The following ANKFN1 variants were observed in gnomAD, a reference collection of about 807,000 sequenced individuals.
ANKFN1 encodes ankyrin repeat and fibronectin type-III domain-containing protein 1.
ANKFN1 carries 74 observed loss-of-function variants against 108.7 expected under a neutral mutation model. The observed-to-expected ratio is 0.68, with a 90% CI of 0.56 to 0.83. ANKFN1 has a LOEUF of 0.83. Among genes scored for constraint, ANKFN1 ranks in the 40% least tolerant of loss-of-function variants. The probability of loss-of-function intolerance (pLI) is 0.00; values close to 1 mark genes in which losing one functional copy is unlikely to be tolerated. For missense variants in ANKFN1, 1,505 were observed against 1,382.3 expected, an observed-to-expected ratio of 1.09 and a Z score of -1.41; for synonymous variants, 547 against 516.2, an observed-to-expected ratio of 1.06 and a Z score of -0.81.
At chr17:56,458,118 C>A in intron 14 of ANKFN1, 139 bp downstream of exon 14, 1 of 695,688 alleles carries the variant, frequency 1.4e-6, no homozygotes, top group Non-Finnish European at 2.4e-6. Context: ...TTTTCTTGAG[C>A]AGCTGGAGCT....
rs140647799 is a variant in ANKFN1, at chr17:56,457,570, T to C, written c.1440+181T>C. ...CATTTTAAAAAGCACCAAAGTAACG[T>C]GTGCGCTACATTTTCAAAGCAAAGA... is the stretch of plus-strand genomic sequence containing the variant. On this transcript the variant is annotated intron_variant, in intron 13 of 20. Transcript: ENST00000682825. Among the ~76,000 whole-genome samples the C allele has an allele frequency of 9.2e-5, 14 of 152,286 alleles. 1 individual carries two copies. Among genetic ancestry groups the C allele is most frequent in the South Asian group, 8.3e-4 (4 of 4,822 alleles).
chr17:56,303,213 C>T (rs572439738), intron 3 of ANKFN1, among the ~76,000 whole-genome samples: 4 of 152,174 alleles, frequency 2.6e-5, no homozygotes, highest in Non-Finnish European at 5.9e-5. Flanking sequence ...GTAAAATCAA[C>T]ACAGTCCAAC....
intron 4 of ANKFN1, among the ~76,000 whole-genome samples, chr17:56,053,267 A>G (rs529542831): frequency 2.6e-5 from 4 of 152,270 alleles, no homozygotes; most frequent in Admixed American, 2.0e-4. Flanking sequence ...TGGGGCATCC[A>G]TCACCTCATG....
intron 5 of ANKFN1, among the ~76,000 whole-genome samples, chr17:56,352,251 G>A (rs1314945975): frequency 6.6e-6 from 1 of 152,160 alleles, no homozygotes; most frequent in African/African-American, 2.4e-5. Flanking sequence ...GTCAAAACAA[G>A]CATTTGCATA....
chr17:56,059,367 C>T (rs1027188510), intron 4 of ANKFN1, among the ~76,000 whole-genome samples: 7 of 152,148 alleles, frequency 4.6e-5, no homozygotes, highest in African/African-American at 9.7e-5. Context: ...AAAATGTTCT[C>T]CCATTCTGTA....
chr17:56,132,599 C>T (rs1317398137), intron 4 of ANKFN1, among the ~76,000 whole-genome samples: 1 of 152,100 alleles, frequency 6.6e-6, no homozygotes, highest in Non-Finnish European at 1.5e-5. Flanking sequence ...TTAGTCGGTC[C>T]AGGCTGCCAT....
chr17:56,092,711 G>T (rs573596931), intron 4 of ANKFN1, among the ~76,000 whole-genome samples: 4 of 151,374 alleles, frequency 2.6e-5, no homozygotes, highest in Admixed American at 2.6e-4. Context: ...CCAAAGTCAA[G>T]GTTTTGGCCG....
intron 17 of ANKFN1, 87 bp downstream of exon 17, chr17:56,480,905 G>A (rs2145367450): frequency 1.5e-6 from 2 of 1,331,314 alleles, no homozygotes; most frequent in South Asian, 1.4e-5. Flanking sequence ...GTGTGTGTGT[G>A]TGTGTGTGTG....
chr17:56,093,174 A>T (rs1466407814), intron 4 of ANKFN1, among the ~76,000 whole-genome samples: 2 of 151,158 alleles, frequency 1.3e-5, no homozygotes, highest in African/African-American at 2.4e-5. Flanking sequence ...GGTGTATCCT[A>T]AGATTCTGCT....
At chr17:56,369,043 C>T (rs370454032) in intron 6 of ANKFN1, among the ~76,000 whole-genome samples, 76 of 152,298 alleles carry the variant, frequency 5.0e-4, no homozygotes, top group African/African-American at 1.7e-3. Flanking sequence ...AAGGAATGCT[C>T]AGAAAGGAAA....
At chr17:56,103,493 G>T (rs1905686995) in intron 4 of ANKFN1, among the ~76,000 whole-genome samples, 1 of 152,166 alleles carries the variant, frequency 6.6e-6, no homozygotes, top group Non-Finnish European at 1.5e-5. Context: ...GCTTCTCCTT[G>T]CCAGCAATAG....
intron 4 of ANKFN1, among the ~76,000 whole-genome samples, chr17:56,061,268 T>TC (rs1555589355): frequency 1.6e-5 from 2 of 122,636 alleles, no homozygotes; most frequent in South Asian, 2.7e-4. Flanking sequence ...AGTTTTTCTT[T>TC]TTTTTTTTTT....
chr17:56,062,430 A>C (rs1904989771), intron 4 of ANKFN1, among the ~76,000 whole-genome samples: 1 of 152,126 alleles, frequency 6.6e-6, no homozygotes, highest in East Asian at 1.9e-4. Flanking sequence ...TTAGGTGCAT[A>C]TATATTTAGA....
At chr17:56,134,692 A>G (rs1168511900) in intron 4 of ANKFN1, among the ~76,000 whole-genome samples, 1 of 152,200 alleles carries the variant, frequency 6.6e-6, no homozygotes, top group Non-Finnish European at 1.5e-5. Flanking sequence ...CAGTATAATA[A>G]AGAATTGTAG....
chr17:56,311,372 G>A (rs2045020951), intron 3 of ANKFN1, among the ~76,000 whole-genome samples: 1 of 152,170 alleles, frequency 6.6e-6, no homozygotes, highest in South Asian at 2.1e-4. Flanking sequence ...GTGAGTATAA[G>A]GGACTCATCA....
chr17:56,164,457 G>A (rs920074717), intron 1 of ANKFN1, among the ~76,000 whole-genome samples: 1 of 152,202 alleles, frequency 6.6e-6, no homozygotes, highest in East Asian at 1.9e-4. Context: ...CTTGAGGGTG[G>A]GGACTGTCTA....
intron 8 of ANKFN1, among the ~76,000 whole-genome samples, chr17:56,394,723 G>A (rs1393929335): frequency 6.6e-6 from 1 of 152,174 alleles, no homozygotes; most frequent in Non-Finnish European, 1.5e-5. Flanking sequence ...GACTCAAGCA[G>A]AGCTGTGTCT....
At chr17:56,173,245 T>A (rs755153922) in intron 1 of ANKFN1, among the ~76,000 whole-genome samples, 1 of 152,224 alleles carries the variant, frequency 6.6e-6, no homozygotes, top group Non-Finnish European at 1.5e-5. Flanking sequence ...TCTGCCACTT[T>A]GCCACCTGGC....
At chr17:56,375,504 GTTTAGAC>G (rs1328794938) in intron 8 of ANKFN1, among the ~76,000 whole-genome samples, 1 of 152,184 alleles carries the variant, frequency 6.6e-6, no homozygotes. Flanking sequence ...AGGCTAGGGA[GTTTAGAC>G]TTTATGTGAT....
Sources: gnomAD v4.1 joint callset for allele counts (sites outside exome capture counted in the v4.1 genomes callset) on GRCh38, gnomAD v4.1.1 for gene constraint, MANE v1.5 for transcripts, NCBI Gene and HGNC (gene_info 2026-07-23, HGNC 2026-07-21) for gene names.